The following STAT5A variants were observed in gnomAD, a reference collection of about 807,000 sequenced individuals.
STAT5A encodes the protein epididymis secretory sperm binding protein.
A neutral mutation model predicts 100.2 loss-of-function variants in STAT5A; 26 were observed. That is an observed-to-expected ratio of 0.26 (90% CI 0.19 to 0.36). The LOEUF (loss-of-function observed/expected upper bound fraction) is 0.36. STAT5A is among the 10% of genes least tolerant of loss of function. STAT5A has a pLI of 1.00. For synonymous variants in STAT5A, 330 were observed against 424.3 expected, an observed-to-expected ratio of 0.78 and a Z score of 2.73; for missense variants, 634 against 1,027.5, an observed-to-expected ratio of 0.62 and a Z score of 5.24.
At position 42,308,417 on chromosome 17, in the gene STAT5A, G is replaced by A. The variant is rs759346695; in HGVS notation, c.2062+84G>A. 1.6e-5 allele frequency: 26 copies of A among 1,595,610 alleles called. No individual in the cohort carries two copies. The highest frequency in any genetic ancestry group is 2.7e-5 in the African/African-American group (2 of 74,494). On this transcript the variant is annotated intron_variant, in intron 16 of 18. Coordinates refer to ENST00000590949, the MANE Select transcript of STAT5A (RefSeq NM_001288718.2). This position sits in a 1 kb window ranked among gnomAD's most constrained non-coding sequence, Gnocchi z 4.6. ...GACAAAGCCTTGGGCTGCGCCGTGG[G>A]GACTTCCCCAGGAGGAGCCTAGGGG...
intron 9 of STAT5A, among the ~76,000 whole-genome samples, chr17:42,302,200 T>C (rs148509695): frequency 1.3e-5 from 2 of 152,366 alleles, no homozygotes; most frequent in East Asian, 3.9e-4. Flanking sequence ...GTTGTAGCTG[T>C]GTTCTAGAAC....
intron 4 of STAT5A, among the ~76,000 whole-genome samples, chr17:42,292,793 A>AT (rs916263139): frequency 4.7e-5 from 7 of 149,840 alleles, no homozygotes; most frequent in East Asian, 2.0e-4. Flanking sequence ...TGCCCGGCTA[A>AT]TTTTTTTTGT....
intron 5 of STAT5A, among the ~76,000 whole-genome samples, chr17:42,296,597 T>TTA (rs2080919809): frequency 6.6e-6 from 1 of 152,168 alleles, no homozygotes; most frequent in African/African-American, 2.4e-5. Flanking sequence ...AAGGTAGACC[T>TTA]TAGGTCATTG....
At chr17:42,298,380 C>T (rs1475710971) in intron 5 of STAT5A, among the ~76,000 whole-genome samples, 3 of 151,488 alleles carry the variant, frequency 2.0e-5, no homozygotes, top group East Asian at 3.9e-4. Flanking sequence ...AGGCTGGTCT[C>T]GAACTCTTGA....
At chr17:42,306,155 T>A in intron 12 of STAT5A, 86 bp from the exon 13 acceptor site, 1 of 1,601,520 alleles carries the variant, frequency 6.2e-7, no homozygotes, top group Non-Finnish European at 8.5e-7. Context: ...GTCTCCTCTG[T>A]CTCTAGGTGT....
At chr17:42,300,411 C>A (rs138959129) in intron 7 of STAT5A, 130 bp downstream of exon 7, 21,957 of 1,279,452 alleles carry the variant, frequency 0.017, 439 homozygotes, top group South Asian at 0.032. Flanking sequence ...CTCCAGGGAG[C>A]CTGGTTCCTC....
At chr17:42,299,929 G>A (rs2080959833) in intron 6 of STAT5A, 48 bp downstream of exon 6, 2 of 1,574,476 alleles carry the variant, frequency 1.3e-6, no homozygotes, top group East Asian at 2.3e-5. Flanking sequence ...CATGAAGTCA[G>A]TCTCTGGGGA....
Position 42,299,881 on chromosome 17 carries a change from G to A in STAT5A, c.681G>A (p.Val227=). 1 of 1,606,394 alleles carries A rather than the reference G, an allele frequency of 6.2e-7. No individual in the cohort carries two copies. The part of the protein sequence containing the change: ...REAQTLQQYR[V]ELAEKHQKTL... ...CACAGACACTGCAGCAGTACCGCGT[G>A]GTGAGTGGGGTCCTGGGCCTCTCCT... Residue 227 remains valine, a splice_region_variant and synonymous_variant, in exon 6 of 19, where the codon GTG becomes GTA. Coordinates refer to ENST00000590949, the MANE Select transcript of STAT5A (RefSeq NM_001288718.2).
Position 42,308,596 on chromosome 17 carries a change from G to A in STAT5A, c.2062+263G>A. 1 of 549,838 alleles carries A rather than the reference G, an allele frequency of 1.8e-6. No individual in the cohort carries two copies. The highest frequency in any genetic ancestry group is 3.2e-5 in the East Asian group (1 of 30,874). The allele number at this position is 549,838 out of a possible 1,614,324, so 34.1% of individuals were successfully genotyped here. On this transcript the variant is annotated intron_variant, in intron 16 of 18. Transcript: ENST00000590949. This position sits in a 1 kb window ranked among gnomAD's most constrained non-coding sequence, Gnocchi z 4.6. ...TTCTGCACCCTCGGAGGAAGGGGTGGCAGCACTGTAGGGAGTGGCCGGGAT... is the reference window on the plus strand; with the variant it reads ...TTCTGCACCCTCGGAGGAAGGGGTGACAGCACTGTAGGGAGTGGCCGGGAT...
At position 42,310,793 on chromosome 17, in the gene STAT5A, T is replaced by G. The variant is rs1045309789; in HGVS notation, c.*124T>G. 13 of 1,486,866 alleles carry G rather than the reference T, an allele frequency of 8.7e-6. No homozygotes were observed. The Admixed American group carries it at 2.4e-4, about 27-fold the overall frequency. 92.1% of individuals were successfully genotyped at this position (1,486,866 alleles called of 1,614,324 possible). On this transcript the variant is annotated 3_prime_UTR_variant, in exon 19 of 19. Transcript: ENST00000590949. The stretch of plus-strand genomic sequence containing the variant: ...ATGCATGTGCTTGTGTGTGTGTGTG[T>G]GTGTGTGTCCTTGTGCATGAGCTAC...
In STAT5A at chr17:42,299,806, G is replaced by A. The variant is rs375378402; in HGVS notation, c.606G>A (p.Thr202=). The change falls in exon 6 of 19, where the codon ACG becomes ACA. Residue 202 remains threonine, a synonymous_variant. Transcript: ENST00000590949. ...LSPQERLSRE[T]ALQQKQVSLE... is the part of the protein sequence containing the mutation. ...CCCAGGAGCGTCTGAGCCGGGAGAC[G>A]GCCCTCCAGCAGAAGCAGGTGTCTC... is the stretch of plus-strand genomic sequence containing the variant. The A allele has an allele frequency of 9.9e-6, 16 of 1,613,752 alleles. No individual in the cohort carries two copies. Among genetic ancestry groups the A allele is most frequent in the South Asian group, 4.4e-5 (4 of 91,062 alleles).
At position 42,310,896 on chromosome 17, in the gene STAT5A, C is replaced by T. The variant is rs1053027549; in HGVS notation, c.*227C>T. 1.0e-4 allele frequency: 68 copies of T among 682,514 alleles called. No individual in the cohort carries two copies. Among genetic ancestry groups the T allele is most frequent in the East Asian group, 3.7e-4 (13 of 34,716 alleles). 42.3% of individuals were successfully genotyped at this position (682,514 alleles called of 1,614,324 possible). A position where few individuals can be genotyped will look rare whatever the true frequency, so the allele number is the denominator to read the frequency against. ...TTTCAGATCATGGCATCCAAGAGTGCGCCGAGTCTGTCTCTGTCATGGTAG... is the reference window on the plus strand; with the variant it reads ...TTTCAGATCATGGCATCCAAGAGTGTGCCGAGTCTGTCTCTGTCATGGTAG... On this transcript the variant is annotated 3_prime_UTR_variant, in exon 19 of 19. Coordinates refer to ENST00000590949, the MANE Select transcript of STAT5A (RefSeq NM_001288718.2).
intron 8 of STAT5A, 83 bp from the exon 9 acceptor site, chr17:42,301,192 C>T: frequency 1.3e-6 from 2 of 1,557,898 alleles, no homozygotes; most frequent in Non-Finnish European, 1.7e-6. Context: ...TGGGAGGCAG[C>T]CCCACCCCCA....
chr17:42,296,243 T>A (rs890108861), intron 5 of STAT5A, among the ~76,000 whole-genome samples: 2 of 152,138 alleles, frequency 1.3e-5, no homozygotes, highest in Non-Finnish European at 2.9e-5. Context: ...GGATTGGAAG[T>A]CTTCTGGTTG....
rs1342233773 is a variant in STAT5A at position 42,300,675 on chromosome 17, A to C, written c.834-40A>C. 2.5e-6 allele frequency: 4 copies of C among 1,613,458 alleles called. No homozygotes were observed. In the African/African-American group the frequency reaches 4.0e-5, roughly 16 times the overall value. ...CTTGGGGCCTGGCGTCTGTGAGGAG[A>C]AGCCATTGTCCTCCTGTTGGCCTTG... is the stretch of plus-strand genomic sequence containing the variant. On this transcript the variant is annotated intron_variant, in intron 7 of 18. Transcript: ENST00000590949.
chr17:42,293,551 T>C (rs1567687677), intron 4 of STAT5A, among the ~76,000 whole-genome samples: 1 of 152,228 alleles, frequency 6.6e-6, no homozygotes, highest in Non-Finnish European at 1.5e-5. Flanking sequence ...ATTTACTCAG[T>C]AGACATTTAT....
intron 9 of STAT5A, among the ~76,000 whole-genome samples, chr17:42,303,624 C>T (rs1426238773): frequency 1.3e-5 from 2 of 151,844 alleles, no homozygotes; most frequent in African/African-American, 4.8e-5. Context: ...GCAGTGGAAT[C>T]ACTTGAACCT....
chr17:42,295,862 G>A, intron 5 of STAT5A, 69 bp downstream of exon 5: 1 of 1,569,546 alleles, frequency 6.4e-7, no homozygotes, highest in Non-Finnish European at 8.6e-7. Context: ...ACTCCTAGAG[G>A]GTAGAGCTGG....
intron 9 of STAT5A, among the ~76,000 whole-genome samples, chr17:42,303,096 A>C (rs941214045): frequency 6.6e-6 from 1 of 152,148 alleles, no homozygotes; most frequent in African/African-American, 2.4e-5. Flanking sequence ...AAATACAAAA[A>C]TTAGCTGGGC....
Sources: allele counts gnomAD v4.1 joint callset (sites outside exome capture counted in the v4.1 genomes callset), GRCh38; gene constraint gnomAD v4.1.1; non-coding constraint Gnocchi (gnomAD v3.1); transcripts MANE v1.5; gene names NCBI Gene and HGNC (gene_info 2026-07-23, HGNC 2026-07-21).